Variants in MSR1 observed in about 807,000 individuals in gnomAD.
MSR1 encodes the protein macrophage scavenger receptor 1, also known as macrophage scavenger receptor types I and II.
Under a neutral mutation model 47.2 loss-of-function variants are expected in MSR1, and 53 were observed. The ratio of observed to expected loss-of-function variants is 1.12; its 90% CI spans 0.90 to 1.41. The LOEUF is 1.41. MSR1 is among the 40% of genes most tolerant of loss of function. The pLI is 0.00. For missense variants in MSR1, 786 were observed against 546.9 expected (o/e 1.44, Z -4.36); for synonymous variants, 239 against 185.6 (o/e 1.29, Z -2.34).
intron 1 of MSR1, among the ~76,000 whole-genome samples, chr8:16,178,978 C>A (rs1022720277): frequency 8.5e-5 from 13 of 152,130 alleles, no homozygotes; most frequent in Admixed American, 4.6e-4. Flanking sequence ...CTCTCATATA[C>A]AGCAATGTAT....
At chr8:16,156,131 T>C (rs1800999213) in intron 5 of MSR1, among the ~76,000 whole-genome samples, 1 of 151,852 alleles carries the variant, frequency 6.6e-6, no homozygotes. Context: ...CTTAGTTTCC[T>C]TTTCAACACC....
At chr8:16,139,039 G>A (rs992143525) in intron 8 of MSR1, among the ~76,000 whole-genome samples, 7 of 152,236 alleles carry the variant, frequency 4.6e-5, no homozygotes, top group African/African-American at 4.8e-5. Flanking sequence ...GCCCTCCGGC[G>A]TGCACTCTGT....
rs1305160374 is a variant in MSR1 at position 16,109,738 on chromosome 8, T to G, written c.*347A>C. 4.2e-6 allele frequency: 1 copy of G among 236,870 alleles called. No individual in the cohort carries two copies. Among genetic ancestry groups the G allele is most frequent in the Non-Finnish European group, 8.3e-6 (1 of 120,314 alleles). 14.7% of individuals were successfully genotyped at this position (236,870 alleles called of 1,614,324 possible). On this transcript the variant is annotated 3_prime_UTR_variant, in exon 10 of 10. Transcript: ENST00000262101. ...CAAAGACAAGAAGAGCAAAAAATTGTAATCTCCTGGTGAACATATTATGAA... is the reference window on the plus strand; with the variant it reads ...CAAAGACAAGAAGAGCAAAAAATTGGAATCTCCTGGTGAACATATTATGAA...
At chr8:16,146,971 G>A (rs1233782842) in intron 7 of MSR1, among the ~76,000 whole-genome samples, 1 of 152,122 alleles carries the variant, frequency 6.6e-6, no homozygotes, top group South Asian at 2.1e-4. Flanking sequence ...ACTACATATG[G>A]TGTAATATTT....
intron 9 of MSR1, among the ~76,000 whole-genome samples, chr8:16,119,691 A>G (rs1799952024): frequency 6.6e-6 from 1 of 151,666 alleles, no homozygotes; most frequent in African/African-American, 2.4e-5. Flanking sequence ...AGTTCATCTT[A>G]CCTTTTTCTA....
chr8:16,126,560 C>T (rs79913642), intron 8 of MSR1, among the ~76,000 whole-genome samples: 1,557 of 152,162 alleles, frequency 0.01, 77 homozygotes, highest in East Asian at 0.1. Context: ...AAGATAATTA[C>T]CTTAATGAGA....
intron 3 of MSR1, among the ~76,000 whole-genome samples, chr8:16,170,542 C>A (rs916914797): frequency 6.6e-6 from 1 of 152,028 alleles, no homozygotes; most frequent in Admixed American, 6.6e-5. Flanking sequence ...CCGCATTTGA[C>A]AATTATGGAA....
At chr8:16,141,142 AT>A in intron 8 of MSR1, 1 of 1,343,292 alleles carries the variant, frequency 7.4e-7, no homozygotes, top group Non-Finnish European at 1.0e-6. Flanking sequence ...TTCAATATAA[AT>A]TTTCACATAC....
intron 8 of MSR1, among the ~76,000 whole-genome samples, chr8:16,136,048 T>C (rs1405669157): frequency 6.6e-6 from 1 of 152,178 alleles, no homozygotes; most frequent in Non-Finnish European, 1.5e-5. Flanking sequence ...CTGTGAACAT[T>C]GTTGAGACGA....
At chr8:16,113,877 C>T (rs1799817330) in intron 9 of MSR1, among the ~76,000 whole-genome samples, 1 of 151,536 alleles carries the variant, frequency 6.6e-6, no homozygotes, top group Non-Finnish European at 1.5e-5. Context: ...AATCTTGACC[C>T]TTCTTCCCAC....
chr8:16,140,950 G>C, intron 8 of MSR1: 7 of 1,613,852 alleles, frequency 4.3e-6, no homozygotes, highest in Non-Finnish European at 5.9e-6. Flanking sequence ...CAGAGGTGAA[G>C]GGCCTTTTAA....
intron 9 of MSR1, among the ~76,000 whole-genome samples, chr8:16,112,541 T>A (rs890000579): frequency 6.6e-6 from 1 of 152,126 alleles, no homozygotes; most frequent in Non-Finnish European, 1.5e-5. Context: ...GGGGAAAAAT[T>A]TATTTAATAC....
At position 16,155,264 on chromosome 8, in the gene MSR1, G is replaced by C. The variant is rs928113673; in HGVS notation, c.818-120C>G. 4.4e-5 allele frequency: 32 copies of C among 724,110 alleles called. No individual in the cohort carries two copies. In the Admixed American group the frequency reaches 6.8e-4, roughly 15 times the overall value. 44.9% of individuals were successfully genotyped at this position (724,110 alleles called of 1,614,324 possible). A position where few individuals can be genotyped will look rare whatever the true frequency, so the allele number is the denominator to read the frequency against. On this transcript the variant is annotated intron_variant, in intron 5 of 9. Coordinates refer to ENST00000262101, the MANE Select transcript of MSR1 (RefSeq NM_138715.3). ...CTTCTATTTGTTGTGCAATAATATA[G>C]AATGTATAATACTGAACTTCATGAA...
At chr8:16,116,816 T>G (rs1454034833) in intron 9 of MSR1, among the ~76,000 whole-genome samples, 2 of 152,120 alleles carry the variant, frequency 1.3e-5, no homozygotes, top group African/African-American at 4.8e-5. Flanking sequence ...GTAACTCCAG[T>G]GGAAAAATAT....
rs1274094382 is a variant in MSR1, at chr8:16,164,124, T to G, written c.758A>C (p.Asp253Ala). The change falls in exon 5 of 10, where the codon GAT (aspartate) becomes GCT (alanine). Residue 253 changes from aspartate to alanine, a missense_variant. Physicochemically the swap from Asp to Ala is moderately radical, Grantham distance 126 (BLOSUM62 -2). Coordinates refer to ENST00000262101, the MANE Select transcript of MSR1 (RefSeq NM_138715.3). ...ATGTTCCCAATCTTTCAGTCTGAGA[T>G]CATTAGTGATGTTATTCAGTACTTT... ...EVKVLNNITN[D>A]LRLKDWEHSQ... 1.2e-6 allele frequency: 2 copies of G among 1,612,040 alleles called. No homozygotes were observed. The highest frequency in any genetic ancestry group is 3.3e-5 in the Admixed American group (2 of 59,956).
chr8:16,168,911 C>T, intron 3 of MSR1, 41 bp from the exon 4 acceptor site: 1 of 1,576,534 alleles, frequency 6.3e-7, no homozygotes, highest in Non-Finnish European at 8.7e-7. Flanking sequence ...TGGCCTGATC[C>T]TTGAATGCAT....
rs114331168 is a variant in MSR1 at position 16,148,017 on chromosome 8, C to T, written c.979+2214G>A. 4.5e-3 allele frequency among the ~76,000 whole-genome samples: 686 copies of T among 152,250 alleles called. 6 individuals are homozygous for T. The highest frequency in any genetic ancestry group is 0.015 in the African/African-American group (632 of 41,556). On this transcript the variant is annotated intron_variant, in intron 7 of 9. Coordinates refer to ENST00000262101, the MANE Select transcript of MSR1 (RefSeq NM_138715.3). ...CTGTAAGCTGTTTTAACACATCCTC[C>T]TGGTGATTCCAACACCTACAATAGT...
In MSR1 at chr8:16,168,613, G is replaced by A; in HGVS notation, c.475C>T (p.Leu159=). The change falls in exon 4 of 10, where the codon CTA becomes TTA. Residue 159 remains leucine (L), a synonymous_variant. Transcript: ENST00000262101. ...TGGACTGAGGAAAACAAGGTACTTA[G>A]CTGCAGAAGAATGTCATTAAATCTT... ...DQRFNDILLQ[L]STLFSSVQGH... The A allele has an allele frequency of 6.2e-7, 1 of 1,614,104 alleles. No homozygotes were observed. The highest frequency in any genetic ancestry group is 8.5e-7 in the Non-Finnish European group (1 of 1,179,998).
intron 1 of MSR1, among the ~76,000 whole-genome samples, chr8:16,186,991 G>T (rs1481459275): frequency 6.6e-6 from 1 of 151,870 alleles, no homozygotes; most frequent in Non-Finnish European, 1.5e-5. Context: ...CTTCCCAGAA[G>T]AATCCTCTTA....
Sources: allele counts gnomAD v4.1 joint callset (sites outside exome capture counted in the v4.1 genomes callset), GRCh38; gene constraint gnomAD v4.1.1; transcripts MANE v1.5; gene names NCBI Gene and HGNC (gene_info 2026-07-23, HGNC 2026-07-21).